GREB1L: variants seen among roughly 807,000 people sequenced by gnomAD.
GREB1L encodes the protein GREB1-like protein.
A neutral mutation model predicts 200.8 loss-of-function variants in GREB1L; 17 were observed. The ratio of observed to expected loss-of-function variants is 0.08; its 90% CI spans 0.06 to 0.13. The LOEUF is 0.13. Among genes scored for constraint, GREB1L ranks in the 10% least tolerant of loss-of-function variants. The pLI is 1.00. For missense variants in GREB1L, 1,657 were observed against 2,367.7 expected (o/e 0.70, Z 6.23); for synonymous variants, 789 against 893.0 (o/e 0.88, Z 2.08).
At chr18:21,508,714 G>GTAA in intron 27 of GREB1L, 123 bp downstream of exon 27, 23 of 320,968 alleles carry the variant, frequency 7.2e-5, no homozygotes, top group Middle Eastern at 7.8e-4. Flanking sequence ...ACCACTCTTC[G>GTAA]GAAAAAAAAA....
At chr18:21,342,580 A>G (rs1265075817) in intron 1 of GREB1L, among the ~76,000 whole-genome samples, 3 of 152,134 alleles carry the variant, frequency 2.0e-5, no homozygotes, top group African/African-American at 7.2e-5. Flanking sequence ...TTTGTTTACT[A>G]GCTTTACCAG....
intron 28 of GREB1L, among the ~76,000 whole-genome samples, chr18:21,515,077 A>C (rs997755132): frequency 3.7e-4 from 57 of 152,276 alleles, no homozygotes; most frequent in African/African-American, 1.3e-3. Flanking sequence ...AATATTCCTT[A>C]TTATACACAA....
chr18:21,308,379 C>A (rs2038735695), intron 1 of GREB1L, among the ~76,000 whole-genome samples: 1 of 152,246 alleles, frequency 6.6e-6, no homozygotes, highest in Admixed American at 6.5e-5. Context: ...ATTTACAGAA[C>A]ATTCTAGGTG....
intron 1 of GREB1L, among the ~76,000 whole-genome samples, chr18:21,301,499 A>G (rs890564984): frequency 2.6e-5 from 4 of 152,206 alleles, no homozygotes; most frequent in African/African-American, 9.6e-5. Flanking sequence ...AGGTCAATAA[A>G]TGGAAAGCAT....
chr18:21,469,953 G>C (rs1281895336), intron 15 of GREB1L, among the ~76,000 whole-genome samples: 7 of 151,868 alleles, frequency 4.6e-5, no homozygotes, highest in Admixed American at 4.6e-4. Context: ...TTCTTTGCTC[G>C]GCCATATACA....
At chr18:21,333,310 G>T (rs559376050) in intron 1 of GREB1L, among the ~76,000 whole-genome samples, 2 of 152,224 alleles carry the variant, frequency 1.3e-5, no homozygotes, top group Non-Finnish European at 2.9e-5. Flanking sequence ...TTTATGTTAT[G>T]TATAATGTAT....
chr18:21,394,931 TAAAAAAAAAA>T (rs745423470), intron 4 of GREB1L, among the ~76,000 whole-genome samples: 1 of 82,672 alleles, frequency 1.2e-5, no homozygotes, highest in Non-Finnish European at 2.3e-5. Flanking sequence ...CCATCTCTAC[TAAAAAAAAAA>T]AAAAAAAAAA....
chr18:21,467,673 A>C, intron 15 of GREB1L, among the ~76,000 whole-genome samples: 1 of 152,168 alleles, frequency 6.6e-6, no homozygotes. Flanking sequence ...AAAACAGTCT[A>C]GTGGTTGTCC....
intron 10 of GREB1L, among the ~76,000 whole-genome samples, chr18:21,441,801 A>G (rs1479771699): frequency 6.6e-6 from 1 of 152,188 alleles, no homozygotes; most frequent in Non-Finnish European, 1.5e-5. Flanking sequence ...AAGCATTACA[A>G]CACATGGGCG....
At chr18:21,337,318 T>G (rs1328330540) in intron 1 of GREB1L, among the ~76,000 whole-genome samples, 1 of 152,158 alleles carries the variant, frequency 6.6e-6, no homozygotes, top group African/African-American at 2.4e-5. Flanking sequence ...TTTTTTTTTA[T>G]GTTTTATAAT....
chr18:21,353,789 C>CT (rs2039467382), intron 1 of GREB1L, among the ~76,000 whole-genome samples: 1 of 151,802 alleles, frequency 6.6e-6, no homozygotes, highest in Admixed American at 6.6e-5. Flanking sequence ...CATATAAGTT[C>CT]TTTCTTTTCT....
chr18:21,393,572 G>A (rs1373313611), intron 4 of GREB1L, among the ~76,000 whole-genome samples: 1 of 152,124 alleles, frequency 6.6e-6, no homozygotes, highest in East Asian at 1.9e-4. Context: ...GCCTCTACAG[G>A]TGCCTGCCAC....
chr18:21,368,473 AAAAC>A (rs2039753853), intron 2 of GREB1L, among the ~76,000 whole-genome samples: 1 of 152,196 alleles, frequency 6.6e-6, no homozygotes, highest in South Asian at 2.1e-4. Flanking sequence ...TTTAAGAAAA[AAAAC>A]AGTGTTCACG....
intron 18 of GREB1L, among the ~76,000 whole-genome samples, 187 bp downstream of exon 18, chr18:21,485,940 A>C (rs150564768): frequency 2.0e-5 from 3 of 152,308 alleles, no homozygotes; most frequent in Admixed American, 6.5e-5. Flanking sequence ...ATCCAAGATC[A>C]ATAAAGGAAA....
At chr18:21,443,157 C>G (rs1409535281) in intron 10 of GREB1L, among the ~76,000 whole-genome samples, 5 of 152,086 alleles carry the variant, frequency 3.3e-5, no homozygotes, top group Non-Finnish European at 5.9e-5. Flanking sequence ...CCTGCCTCAG[C>G]CTCCCAAAGT....
intron 31 of GREB1L, among the ~76,000 whole-genome samples, chr18:21,518,590 T>C (rs1231206652): frequency 1.3e-5 from 2 of 152,226 alleles, no homozygotes; most frequent in African/African-American, 4.8e-5. Flanking sequence ...TTAACATTCA[T>C]CAGATTATAC....
intron 1 of GREB1L, among the ~76,000 whole-genome samples, chr18:21,298,025 C>A (rs2144657679): frequency 6.6e-6 from 1 of 152,068 alleles, no homozygotes; most frequent in East Asian, 1.9e-4. Context: ...GTTAAAAGTC[C>A]AAGTATGAAA....
chr18:21,460,243 C>T (rs551537373), intron 15 of GREB1L, among the ~76,000 whole-genome samples: 5 of 152,244 alleles, frequency 3.3e-5, no homozygotes, highest in East Asian at 3.9e-4. Flanking sequence ...GGCATGATCT[C>T]GGCTCACTGC....
intron 1 of GREB1L, among the ~76,000 whole-genome samples, chr18:21,341,122 T>A (rs531002145): frequency 6.6e-6 from 1 of 152,252 alleles, no homozygotes; most frequent in African/African-American, 2.4e-5. Context: ...GGTCAGGCCA[T>A]TTTTGGTCCT....
Sources: gnomAD v4.1 joint callset for allele counts (sites outside exome capture counted in the v4.1 genomes callset) on GRCh38, gnomAD v4.1.1 for gene constraint, MANE v1.5 for transcripts, NCBI Gene and HGNC (gene_info 2026-07-23, HGNC 2026-07-21) for gene names.